The following TMEM200C variants were observed in gnomAD, a reference collection of about 807,000 sequenced individuals.
The protein encoded by TMEM200C is transmembrane protein TTMA.
For synonymous variants in TMEM200C, 462 were observed against 324.7 expected (o/e 1.42, Z -4.55); for missense variants, 966 against 699.9 (o/e 1.38, Z -4.29).
exon 3 of TMEM200C, chr18:5,882,162 A>T (rs2095162255): frequency 6.6e-6 from 1 of 152,196 alleles, no homozygotes; most frequent in Non-Finnish European, 1.5e-5. Flanking sequence ...GCTGCATTAC[A>T]AGTTGCCACA....
At chr18:5,882,957 T>C (rs1325370837) in exon 3 of TMEM200C, 1 of 152,164 alleles carries the variant, frequency 6.6e-6, no homozygotes, top group Non-Finnish European at 1.5e-5. Flanking sequence ...TGAATTTTCT[T>C]GCTCTTTATC....
At chr18:5,892,015 G>T in exon 3 of TMEM200C, 1 of 1,613,908 alleles carries the variant, frequency 6.2e-7, no homozygotes, top group Non-Finnish European at 8.5e-7. Flanking sequence ...GGGCGGAGTG[G>T]ATCCTGCTTT....
chr18:5,886,046 A>G (rs1029901282), exon 3 of TMEM200C: 1 of 152,046 alleles, frequency 6.6e-6, no homozygotes, highest in Non-Finnish European at 1.5e-5. Flanking sequence ...GTATTTTTAT[A>G]TCGTGGCAAA....
At position 5,891,443 on chromosome 18, in the gene TMEM200C, G is replaced by C. The variant is rs2095170985; in HGVS notation, c.621C>G (p.Val207=). Residue 207 remains valine, a synonymous_variant, in exon 3 of 3, where the codon GTC becomes GTG. Coordinates refer to ENST00000581347, the Ensembl canonical transcript of TMEM200C. The surrounding 1 kb of genome is among the most constrained non-coding windows in gnomAD (Gnocchi z 4.7). Reference sequence around the variant, plus strand: ...TGGCGCGGAGGCTGTGCACGTCGATGACGGTGGAGTAGAGGTCCCGCAGGT... The same window carrying C: ...TGGCGCGGAGGCTGTGCACGTCGATCACGGTGGAGTAGAGGTCCCGCAGGT... 10 of 1,553,194 alleles carry C rather than the reference G, an allele frequency of 6.4e-6. No homozygotes were observed. The South Asian group carries it at 1.2e-4, about 18-fold the overall frequency.
chr18:5,891,713 A>G lies in TMEM200C; in HGVS notation c.351T>C (p.Pro117=). Reference sequence around the variant, plus strand: ...TGGAGTTGACACCCCCTGGAGCCCTAGGGTGGCTCCTGGACCGGTTTTTGC... The same window carrying G: ...TGGAGTTGACACCCCCTGGAGCCCTGGGGTGGCTCCTGGACCGGTTTTTGC... Residue 117 remains proline, a synonymous_variant, in exon 3 of 3, where the codon CCT becomes CCC. Transcript: ENST00000581347. The surrounding 1 kb of genome is among the most constrained non-coding windows in gnomAD (Gnocchi z 4.7). 1 of 1,613,356 alleles carries G rather than the reference A, an allele frequency of 6.2e-7. No individual in the cohort carries two copies. Among genetic ancestry groups the G allele is most frequent in the Non-Finnish European group, 8.5e-7 (1 of 1,179,828 alleles).
chr18:5,891,055 G>A lies in TMEM200C; in HGVS notation c.1009C>T (p.Arg337Trp), dbSNP rs559244640. The change falls in exon 3 of 3, where the codon CGG becomes TGG. Residue 337 changes from arginine to tryptophan, a missense_variant. Transcript: ENST00000581347. The surrounding 1 kb of genome is among the most constrained non-coding windows in gnomAD (Gnocchi z 4.7). ...GCGGCGGCGGTGGCAGCGGCGGCCCGGCGACTGCCTGCCACGCCCGAGCGC... is the reference window on the plus strand; with the variant it reads ...GCGGCGGCGGTGGCAGCGGCGGCCCAGCGACTGCCTGCCACGCCCGAGCGC... 1,170 of 542,422 alleles carry A rather than the reference G, an allele frequency of 2.2e-3. 24 individuals carry two copies. The South Asian group carries it at 0.024, about 11-fold the overall frequency. The allele number at this position is 542,422 out of a possible 1,614,324, so 33.6% of individuals were successfully genotyped here. A position where few individuals can be genotyped will look rare whatever the true frequency, so the allele number is the denominator to read the frequency against.
chr18:5,893,652 T>A, intron 2 of TMEM200C, among the ~76,000 whole-genome samples: 1 of 152,192 alleles, frequency 6.6e-6, no homozygotes, highest in East Asian at 1.9e-4. Context: ...GTGTGGTAGG[T>A]AGAATTTTGC....
Position 5,891,141 on chromosome 18 carries a change from G to A in TMEM200C, c.923C>T (p.Ser308Phe), listed in dbSNP as rs2095170408. 2.0e-6 allele frequency: 1 copy of A among 504,216 alleles called. No individual in the cohort carries two copies. Among genetic ancestry groups the A allele is most frequent in the Non-Finnish European group, 3.2e-6 (1 of 311,500 alleles). 31.2% of individuals were successfully genotyped at this position (504,216 alleles called of 1,614,324 possible). A position where few individuals can be genotyped will look rare whatever the true frequency, so the allele number is the denominator to read the frequency against. Reference sequence around the variant, plus strand: ...CGGGGGCTCCCGCGGACAGCGCGGGGAAGAGGCCAGGTCCGGCGGGGACGC... The same window carrying A: ...CGGGGGCTCCCGCGGACAGCGCGGGAAAGAGGCCAGGTCCGGCGGGGACGC... Residue 308 changes from serine (S) to phenylalanine (F), a missense_variant, in exon 3 of 3, where the codon TCC becomes TTC. By Grantham distance (155) the Ser-to-Phe change is radical. Transcript: ENST00000581347. The surrounding 1 kb of genome is among the most constrained non-coding windows in gnomAD (Gnocchi z 4.7).
exon 3 of TMEM200C, chr18:5,890,614 G>A (rs1468908550): frequency 4.6e-6 from 5 of 1,075,554 alleles, no homozygotes; most frequent in Non-Finnish European, 6.0e-6. Context: ...GGGGGCTCGG[G>A]GGACGGCGGC....
exon 3 of TMEM200C, chr18:5,883,418 T>C (rs2095163158): frequency 6.6e-6 from 1 of 152,154 alleles, no homozygotes; most frequent in Non-Finnish European, 1.5e-5. Flanking sequence ...TTTGCTATTC[T>C]GGCCAAATCT....
At chr18:5,892,356 T>C (rs1319496355) in intron 2 of TMEM200C, among the ~76,000 whole-genome samples, 199 bp from the exon 2 acceptor site, 1 of 152,236 alleles carries the variant, frequency 6.6e-6, no homozygotes, top group Non-Finnish European at 1.5e-5. Context: ...CAACAACTAA[T>C]AGGTGGTTAT....
chr18:5,890,685 C>G (rs2095169556), exon 3 of TMEM200C: 3 of 549,852 alleles, frequency 5.5e-6, no homozygotes. Context: ...CCTGCCGGTC[C>G]TGGGCAGGCG....
At chr18:5,883,883 A>G (rs1050611655) in exon 3 of TMEM200C, 9 of 152,138 alleles carry the variant, frequency 5.9e-5, no homozygotes, top group African/African-American at 2.2e-4. Flanking sequence ...TGAAATTTCA[A>G]ATTTAATGGT....
rs753663173 is a variant in TMEM200C, at chr18:5,891,373, AGGCGGCGGCGGCCGCGGCGGC to A, written c.670_690del (p.Ala224_Ala230del). 1.5e-6 allele frequency: 2 copies of A among 1,340,880 alleles called. No individual in the cohort carries two copies. Among genetic ancestry groups the A allele is most frequent in the South Asian group, 2.2e-5 (1 of 45,102 alleles). The allele number at this position is 1,340,880 out of a possible 1,614,324, so 83.1% of individuals were successfully genotyped here. On this transcript the variant is annotated inframe_deletion, in exon 3 of 3. Coordinates refer to ENST00000581347, the Ensembl canonical transcript of TMEM200C. This position sits in a 1 kb window ranked among gnomAD's most constrained non-coding sequence, Gnocchi z 4.7. ...GCGGCGGGGGCAGACGACGACGAAG[AGGCGGCGGCGGCCGCGGCGGC>A]GGCCGCGGCGGCCGCCAGGTCTTTG...
exon 3 of TMEM200C, chr18:5,884,986 G>A (rs916639763): frequency 6.6e-6 from 1 of 152,092 alleles, no homozygotes. Context: ...ATACAATGTT[G>A]TGTTGAATTT....
At chr18:5,895,878 G>C (rs1032523284) in exon 1 of TMEM200C, 1 of 151,970 alleles carries the variant, frequency 6.6e-6, no homozygotes, top group African/African-American at 2.4e-5. Flanking sequence ...GGGCCCCAGA[G>C]GCCCCAAAGA....
At chr18:5,887,472 T>G (rs977044664) in exon 3 of TMEM200C, 2 of 152,200 alleles carry the variant, frequency 1.3e-5, no homozygotes, top group Admixed American at 6.5e-5. Context: ...ATATAAAGTA[T>G]TTTGATGGTC....
At chr18:5,890,136 C>G (rs1441159801) in exon 3 of TMEM200C, 2 of 1,449,284 alleles carry the variant, frequency 1.4e-6, no homozygotes, top group African/African-American at 2.8e-5. Flanking sequence ...CCTGTTAATG[C>G]ACTGATTCAA....
At chr18:5,888,964 G>T (rs955929143) in exon 3 of TMEM200C, 1 of 152,220 alleles carries the variant, frequency 6.6e-6, no homozygotes, top group African/African-American at 2.4e-5. Context: ...TGCCCAAGGA[G>T]ACCAAAATGA....
Sources: allele counts gnomAD v4.1 joint callset (sites outside exome capture counted in the v4.1 genomes callset), GRCh38; gene constraint gnomAD v4.1.1; non-coding constraint Gnocchi (gnomAD v3.1); transcripts MANE v1.5; gene names NCBI Gene and HGNC (gene_info 2026-07-23, HGNC 2026-07-21).